Variants in PTPRN2 observed in about 807,000 individuals in gnomAD.
PTPRN2 encodes receptor-type tyrosine-protein phosphatase N2.
Under a neutral mutation model 118.8 loss-of-function variants are expected in PTPRN2, and 74 were observed. The ratio of observed to expected loss-of-function variants is 0.62; its 90% CI spans 0.52 to 0.76. The LOEUF (loss-of-function observed/expected upper bound fraction) is 0.76, where lower values mean the gene tolerates loss of function less well. Ranked by LOEUF, PTPRN2 falls within the 30% of genes least tolerant of loss-of-function variation. The pLI is 0.00. For missense variants in PTPRN2, 1,481 were observed against 1,394.4 expected (o/e 1.06, Z -0.99); for synonymous variants, 641 against 608.0 (o/e 1.05, Z -0.80).
intron 2 of PTPRN2, among the ~76,000 whole-genome samples, chr7:158,485,373 T>A (rs1820935835): frequency 7.2e-6 from 1 of 138,452 alleles, no homozygotes. Flanking sequence ...GCCACCCCTC[T>A]CTGCGCCCCT....
At position 158,234,280 on chromosome 7, in the gene PTPRN2, AAC is replaced by A. The variant is rs201061667; in HGVS notation, c.278-29009_278-29008del. ...TCAAAACACTCAACAGCAAAAAAAA[AAC>A]AAACCTCTAATTTAAAAATGGGCAA... On this transcript the variant is annotated intron_variant, in intron 3 of 22. Transcript: ENST00000389418. Among the ~76,000 whole-genome samples, 659 of 147,526 alleles carry A rather than the reference AAC, an allele frequency of 4.5e-3. 3 individuals carry two copies. Among genetic ancestry groups the A allele is most frequent in the African/African-American group, 0.015 (604 of 41,098 alleles).
At chr7:158,070,963 T>TTTCC (rs1456166837) in intron 11 of PTPRN2, among the ~76,000 whole-genome samples, 1 of 103,994 alleles carries the variant, frequency 9.6e-6, no homozygotes, top group African/African-American at 4.6e-5. Context: ...GTGGTGGAGG[T>TTTCC]GCTCACGGTG....
At chr7:158,216,448 T>G (rs1390962915) in intron 3 of PTPRN2, among the ~76,000 whole-genome samples, 3 of 151,816 alleles carry the variant, frequency 2.0e-5, no homozygotes, top group Admixed American at 2.0e-4. Context: ...AAAAAAAGAC[T>G]CAACTATACA....
chr7:158,226,732 A>G (rs1828813787), intron 3 of PTPRN2, among the ~76,000 whole-genome samples: 1 of 146,684 alleles, frequency 6.8e-6, no homozygotes, highest in South Asian at 2.2e-4. Flanking sequence ...TTGAAGTGAG[A>G]CCTGGGGAAG....
chr7:158,536,766 C>A (rs1028365011), intron 1 of PTPRN2, among the ~76,000 whole-genome samples: 24 of 149,732 alleles, frequency 1.6e-4, no homozygotes, highest in African/African-American at 5.7e-4. Flanking sequence ...ATCGACAAGA[C>A]GAGACTCAGG....
intron 11 of PTPRN2, among the ~76,000 whole-genome samples, chr7:158,070,759 GTGGAGGTGCTCA>G (rs1811271506): frequency 7.8e-6 from 1 of 129,028 alleles, no homozygotes; most frequent in Non-Finnish European, 1.6e-5. Context: ...GCCCGTGGTG[GTGGAGGTGCTCA>G]TGGTGGAGGT....
At chr7:157,568,784 G>C in intron 21 of PTPRN2, 118 bp downstream of exon 21, 1 of 1,009,910 alleles carries the variant, frequency 9.9e-7, no homozygotes, top group Non-Finnish European at 1.5e-6. Flanking sequence ...CGGCCCAGCA[G>C]AGGCACAACA....
At chr7:158,041,011 G>A (rs949509535) in intron 11 of PTPRN2, among the ~76,000 whole-genome samples, 10 of 152,326 alleles carry the variant, frequency 6.6e-5, no homozygotes, top group Admixed American at 2.6e-4. Context: ...GATCACAGGC[G>A]TGAGCCGCCA....
intron 1 of PTPRN2, among the ~76,000 whole-genome samples, chr7:158,581,432 G>A (rs1233551728): frequency 6.6e-6 from 1 of 152,144 alleles, no homozygotes; most frequent in African/African-American, 2.4e-5. Flanking sequence ...GGAAGTTTTG[G>A]GGGTGATGGA....
intron 5 of PTPRN2, among the ~76,000 whole-genome samples, chr7:158,171,463 C>T (rs1405528046): frequency 6.6e-6 from 1 of 151,428 alleles, no homozygotes; most frequent in African/African-American, 2.4e-5. Context: ...ATTCTCCTGC[C>T]TCAGCCTCCT....
chr7:158,475,794 G>A (rs530002349), intron 2 of PTPRN2, among the ~76,000 whole-genome samples: 1 of 152,276 alleles, frequency 6.6e-6, no homozygotes, highest in African/African-American at 2.4e-5. Context: ...TCTCTTAGTG[G>A]GGATTCCAGT....
chr7:157,741,136 C>A (rs567601699), intron 12 of PTPRN2, among the ~76,000 whole-genome samples: 1 of 152,330 alleles, frequency 6.6e-6, no homozygotes, highest in Admixed American at 6.5e-5. Flanking sequence ...CTTCCACAGG[C>A]TCCATGACGG....
At chr7:157,714,630 C>G (rs145188883) in intron 12 of PTPRN2, among the ~76,000 whole-genome samples, 1 of 152,166 alleles carries the variant, frequency 6.6e-6, no homozygotes, top group Non-Finnish European at 1.5e-5. Flanking sequence ...GCAGGAATCC[C>G]GACACTCACT....
chr7:158,346,961 G>A (rs938599865), intron 2 of PTPRN2, among the ~76,000 whole-genome samples: 3 of 152,130 alleles, frequency 2.0e-5, no homozygotes, highest in South Asian at 2.1e-4. Context: ...TCATTTTCAT[G>A]CTATTGAGTT....
chr7:158,059,610 A>C (rs55889551), intron 11 of PTPRN2, among the ~76,000 whole-genome samples: 168 of 66,748 alleles, frequency 2.5e-3, no homozygotes, highest in Admixed American at 3.7e-3. Flanking sequence ...CTCCATCTGC[A>C]CACGGTGACA....
chr7:158,562,986 A>C (rs561290043), intron 1 of PTPRN2, among the ~76,000 whole-genome samples: 1 of 152,332 alleles, frequency 6.6e-6, no homozygotes. Context: ...TGTTTCCCAC[A>C]GCAAATGTTT....
chr7:157,963,722 A>G (rs952066850), intron 11 of PTPRN2, among the ~76,000 whole-genome samples: 1 of 152,206 alleles, frequency 6.6e-6, no homozygotes, highest in Non-Finnish European at 1.5e-5. Context: ...GCCGCTTCTC[A>G]GTGAGGTCCC....
At chr7:157,827,790 C>T (rs529934128) in intron 12 of PTPRN2, among the ~76,000 whole-genome samples, 4 of 152,344 alleles carry the variant, frequency 2.6e-5, no homozygotes, top group Non-Finnish European at 2.9e-5. Flanking sequence ...CTGCCGGCCC[C>T]GCCCTCGCCG....
At chr7:158,298,416 G>A (rs944729014) in intron 3 of PTPRN2, among the ~76,000 whole-genome samples, 4 of 152,146 alleles carry the variant, frequency 2.6e-5, no homozygotes. Flanking sequence ...GATTTATTCT[G>A]GAATATTTGC....
Sources: gnomAD v4.1 joint callset for allele counts (sites outside exome capture counted in the v4.1 genomes callset) on GRCh38, gnomAD v4.1.1 for gene constraint, MANE v1.5 for transcripts, NCBI Gene and HGNC (gene_info 2026-07-23, HGNC 2026-07-21) for gene names.